CNTN5: variants seen among roughly 807,000 people sequenced by gnomAD.
CNTN5 encodes the protein contactin-5.
A neutral mutation model predicts 129.1 loss-of-function variants in CNTN5; 77 were observed. That is an observed-to-expected ratio of 0.60 (90% CI 0.50 to 0.72). CNTN5 has a LOEUF of 0.72. CNTN5 is among the 30% of genes least tolerant of loss of function. CNTN5 has a pLI of 0.00. For missense variants in CNTN5, 1,478 were observed against 1,328.8 expected (o/e 1.11, Z -1.75); for synonymous variants, 509 against 465.6 (o/e 1.09, Z -1.20).
intron 1 of CNTN5, among the ~76,000 whole-genome samples, chr11:99,025,486 C>A (rs1320413875): frequency 1.3e-4 from 20 of 151,854 alleles, no homozygotes; most frequent in South Asian, 4.1e-4. Flanking sequence ...AGGAGAACAT[C>A]TCATCTTCCA....
At chr11:99,189,763 T>C (rs1858537384) in intron 1 of CNTN5, among the ~76,000 whole-genome samples, 1 of 151,690 alleles carries the variant, frequency 6.6e-6, no homozygotes, top group Non-Finnish European at 1.5e-5. Context: ...TATTCATTTT[T>C]TGCTGTTGAG....
At chr11:99,623,140 G>T (rs902038686) in intron 3 of CNTN5, among the ~76,000 whole-genome samples, 9 of 152,044 alleles carry the variant, frequency 5.9e-5, no homozygotes, top group Non-Finnish European at 1.2e-4. Context: ...TCCTAGTGAT[G>T]TCTTCTGAGT....
chr11:99,660,904 T>C (rs369750559), intron 3 of CNTN5, among the ~76,000 whole-genome samples: 1 of 152,080 alleles, frequency 6.6e-6, no homozygotes, highest in Middle Eastern at 3.4e-3. Context: ...TAAGATTTTA[T>C]TTAGATAATT....
At chr11:99,432,253 G>A (rs1943400518) in intron 2 of CNTN5, among the ~76,000 whole-genome samples, 1 of 152,048 alleles carries the variant, frequency 6.6e-6, no homozygotes, top group Non-Finnish European at 1.5e-5. Context: ...TCACTTACAT[G>A]AGAAAAACAG....
chr11:99,594,724 G>T (rs528809327), intron 3 of CNTN5, among the ~76,000 whole-genome samples: 5 of 152,154 alleles, frequency 3.3e-5, no homozygotes, highest in Admixed American at 6.5e-5. Context: ...TTGCCACACC[G>T]CTGTTAATGG....
chr11:99,590,926 T>C (rs1348881785), intron 3 of CNTN5, among the ~76,000 whole-genome samples: 1 of 151,770 alleles, frequency 6.6e-6, no homozygotes, highest in African/African-American at 2.4e-5. Flanking sequence ...AATAAAGATA[T>C]GGTAAACATG....
intron 3 of CNTN5, among the ~76,000 whole-genome samples, chr11:99,812,323 G>A (rs1946454129): frequency 6.6e-6 from 1 of 151,852 alleles, no homozygotes; most frequent in African/African-American, 2.4e-5. Context: ...AGTTCCTCAG[G>A]GTAAAATGAA....
intron 13 of CNTN5, among the ~76,000 whole-genome samples, chr11:100,133,836 A>G (rs1338156064): frequency 6.6e-6 from 1 of 152,160 alleles, no homozygotes; most frequent in African/African-American, 2.4e-5. Flanking sequence ...TGGAGTTAAA[A>G]ATTGAACACT....
chr11:100,192,296 C>T (rs997544875), intron 14 of CNTN5, among the ~76,000 whole-genome samples: 1 of 152,006 alleles, frequency 6.6e-6, no homozygotes, highest in African/African-American at 2.4e-5. Flanking sequence ...ACTCAGAACA[C>T]TCCAATCCCC....
chr11:99,551,171 A>G (rs1161346834), intron 2 of CNTN5, among the ~76,000 whole-genome samples: 3 of 152,168 alleles, frequency 2.0e-5, no homozygotes, highest in Non-Finnish European at 4.4e-5. Context: ...CTGAGTTAAA[A>G]GAAATCATTT....
At chr11:99,146,455 A>G (rs1302507902) in intron 1 of CNTN5, among the ~76,000 whole-genome samples, 1 of 152,152 alleles carries the variant, frequency 6.6e-6, no homozygotes, top group Non-Finnish European at 1.5e-5. Flanking sequence ...CTACCTTGCA[A>G]TAAACAAAAT....
At chr11:99,198,257 T>C (rs1212975052) in intron 1 of CNTN5, among the ~76,000 whole-genome samples, 1 of 152,130 alleles carries the variant, frequency 6.6e-6, no homozygotes, top group Non-Finnish European at 1.5e-5. Context: ...ACAACTGTCA[T>C]ATGGGAAGCT....
chr11:100,277,435 A>T, intron 18 of CNTN5, among the ~76,000 whole-genome samples: 1 of 152,100 alleles, frequency 6.6e-6, no homozygotes, highest in East Asian at 1.9e-4. Flanking sequence ...TTATGTTCCC[A>T]CCAACAGTGT....
chr11:99,560,373 A>G (rs911262277), intron 3 of CNTN5, among the ~76,000 whole-genome samples: 1 of 151,520 alleles, frequency 6.6e-6, no homozygotes, highest in African/African-American at 2.4e-5. Context: ...GCTCACTGCC[A>G]TCTCTGCCTC....
intron 23 of CNTN5, among the ~76,000 whole-genome samples, chr11:100,349,919 C>G (rs1057089296): frequency 6.6e-6 from 1 of 151,670 alleles, no homozygotes; most frequent in Non-Finnish European, 1.5e-5. Context: ...GTCACCTAAC[C>G]TTTATGGCCT....
intron 3 of CNTN5, among the ~76,000 whole-genome samples, chr11:99,716,583 C>G (rs2134995349): frequency 6.6e-6 from 1 of 152,134 alleles, no homozygotes; most frequent in East Asian, 1.9e-4. Flanking sequence ...TCAACCTCTG[C>G]CTCATCCTTC....
At chr11:99,532,292 A>C (rs1178672404) in intron 2 of CNTN5, among the ~76,000 whole-genome samples, 1 of 151,986 alleles carries the variant, frequency 6.6e-6, no homozygotes, top group African/African-American at 2.4e-5. Flanking sequence ...TTCTGTTTGG[A>C]ATGGCTGTAT....
At chr11:99,213,235 T>A (rs1591366961) in intron 1 of CNTN5, among the ~76,000 whole-genome samples, 4 of 145,634 alleles carry the variant, frequency 2.7e-5, no homozygotes, top group East Asian at 3.9e-4. Context: ...ATATATATTT[T>A]TTTCTATATG....
chr11:99,359,760 G>A (rs1178193111), intron 2 of CNTN5, among the ~76,000 whole-genome samples: 1 of 151,934 alleles, frequency 6.6e-6, no homozygotes, highest in Admixed American at 6.6e-5. Flanking sequence ...TTACAGCTGT[G>A]AGCCTCTGAA....
Sources: allele counts gnomAD v4.1 joint callset (sites outside exome capture counted in the v4.1 genomes callset), GRCh38; gene constraint gnomAD v4.1.1; transcripts MANE v1.5; gene names NCBI Gene and HGNC (gene_info 2026-07-23, HGNC 2026-07-21).